Variants in ACVR1C observed in about 807,000 individuals in gnomAD.
ACVR1C encodes the protein activin A receptor type 1C.
In ACVR1C, 23 loss-of-function variants were observed where a neutral mutation model predicts 57.9. The observed-to-expected ratio is 0.40, with a 90% CI of 0.29 to 0.56. The LOEUF is 0.56. Ranked by LOEUF, ACVR1C falls within the 20% of genes least tolerant of loss-of-function variation. The pLI is 0.50. For missense variants in ACVR1C, 480 were observed against 607.9 expected (o/e 0.79, Z 2.21); for synonymous variants, 214 against 215.3 (o/e 0.99, Z 0.05).
At chr2:157,627,784 T>C (rs1682928753) in intron 1 of ACVR1C, among the ~76,000 whole-genome samples, 1 of 152,194 alleles carries the variant, frequency 6.6e-6, no homozygotes, top group Admixed American at 6.5e-5. Context: ...GTAATGAAAA[T>C]AGTTTTCGAG....
chr2:157,581,691 G>A (rs1046947696), intron 2 of ACVR1C, among the ~76,000 whole-genome samples: 2 of 152,194 alleles, frequency 1.3e-5, no homozygotes, highest in African/African-American at 4.8e-5. Context: ...AAGAGCCAGA[G>A]AGGCAAGGAT....
intron 1 of ACVR1C, among the ~76,000 whole-genome samples, chr2:157,589,797 G>T: frequency 6.6e-6 from 1 of 151,928 alleles, no homozygotes; most frequent in Non-Finnish European, 1.5e-5. Context: ...TAGGGCTACA[G>T]TAACCAAAAC....
At chr2:157,542,610 C>A in intron 6 of ACVR1C, 96 bp downstream of exon 6, 1 of 1,380,216 alleles carries the variant, frequency 7.2e-7, no homozygotes, top group South Asian at 1.5e-5. Context: ...CCAGTGGTTT[C>A]CTATTTGGAC....
chr2:157,536,833 C>CA lies in ACVR1C; in HGVS notation c.1356+1739dup, dbSNP rs548970294. The stretch of plus-strand genomic sequence containing the variant: ...AACAAGACAGAAACAAAATACTGGA[C>CA]AAAAAATGCATATATCAGGAATGTA... On this transcript the variant is annotated intron_variant, in intron 8 of 8. Transcript: ENST00000243349. Among the ~76,000 whole-genome samples the CA allele has an allele frequency of 1.6e-4, 25 of 152,054 alleles. No homozygotes were observed. In the East Asian group the frequency reaches 3.9e-3, roughly 23 times the overall value.
chr2:157,572,388 A>G (rs529385446), intron 2 of ACVR1C, among the ~76,000 whole-genome samples: 4 of 152,022 alleles, frequency 2.6e-5, no homozygotes, highest in East Asian at 3.9e-4. Flanking sequence ...TTAAAAAAAA[A>G]AAAAAGTCTA....
chr2:157,600,965 A>G (rs1682265675), intron 1 of ACVR1C, among the ~76,000 whole-genome samples: 1 of 152,206 alleles, frequency 6.6e-6, no homozygotes, highest in African/African-American at 2.4e-5. Flanking sequence ...TTTAAAATCC[A>G]TAATGCTTTT....
intron 2 of ACVR1C, among the ~76,000 whole-genome samples, chr2:157,578,173 G>A (rs546991827): frequency 7.2e-5 from 11 of 152,270 alleles, no homozygotes; most frequent in South Asian, 2.1e-4. Context: ...TCAAAGCATC[G>A]GGATTGCAGG....
intron 3 of ACVR1C, 35 bp from the exon 4 acceptor site, chr2:157,550,427 A>G (rs150543368): frequency 6.3e-7 from 1 of 1,576,982 alleles, no homozygotes; most frequent in Non-Finnish European, 8.7e-7. Flanking sequence ...ATAATTAAAC[A>G]CAAATGTCAG....
intron 3 of ACVR1C, 102 bp from the exon 4 acceptor site, chr2:157,550,494 C>T: frequency 9.5e-7 from 1 of 1,056,008 alleles, no homozygotes; most frequent in Non-Finnish European, 1.4e-6. Flanking sequence ...CATTTAAATG[C>T]TTTAATAATT....
At chr2:157,592,273 T>G (rs1306908667) in intron 1 of ACVR1C, among the ~76,000 whole-genome samples, 1 of 152,134 alleles carries the variant, frequency 6.6e-6, no homozygotes, top group East Asian at 1.9e-4. Flanking sequence ...TTTGAAGCAC[T>G]ACTGGCTCCT....
At chr2:157,588,240 C>A (rs906079419) in intron 1 of ACVR1C, among the ~76,000 whole-genome samples, 6 of 51,300 alleles carry the variant, frequency 1.2e-4, no homozygotes, top group Non-Finnish European at 2.4e-4. Flanking sequence ...ACTTACTACA[C>A]ACACACACAC....
In ACVR1C at chr2:157,549,829, C is replaced by CA. The variant is rs1173469291; in HGVS notation, c.775+332dup. ...TGAAACCCCGTCTCTACTAAAAATACAAAAAAAAAAAAAAAAAAAAAAAAT... is the reference window on the plus strand; with the variant it reads ...TGAAACCCCGTCTCTACTAAAAATACAAAAAAAAAAAAAAAAAAAAAAAAAT... On this transcript the variant is annotated intron_variant, in intron 4 of 8. Coordinates refer to ENST00000243349, the MANE Select transcript of ACVR1C (RefSeq NM_145259.3). Among the ~76,000 whole-genome samples the CA allele has an allele frequency of 0.034, 1,614 of 47,496 alleles. 18 individuals carry two copies. The highest frequency in any genetic ancestry group is 0.1 in the East Asian group (254 of 2,462). 31.2% of individuals were successfully genotyped at this position (47,496 alleles called of 152,430 possible).
At chr2:157,588,800 A>G (rs1030193046) in intron 1 of ACVR1C, among the ~76,000 whole-genome samples, 4 of 146,846 alleles carry the variant, frequency 2.7e-5, no homozygotes, top group African/African-American at 5.0e-5. Flanking sequence ...GTTGTATTCT[A>G]TGATATATAT....
At chr2:157,628,497 C>G (rs1682954542) in intron 1 of ACVR1C, 75 bp downstream of exon 1, 3 of 1,504,992 alleles carry the variant, frequency 2.0e-6, no homozygotes, top group East Asian at 2.4e-5. Context: ...CCCTGTCCCC[C>G]ACCCCCGTGC....
At chr2:157,567,973 C>T (rs1255362925) in intron 2 of ACVR1C, among the ~76,000 whole-genome samples, 7 of 127,206 alleles carry the variant, frequency 5.5e-5, no homozygotes, top group African/African-American at 1.4e-4. Context: ...AGAGAAAGGT[C>T]GGGTTACCCT....
chr2:157,604,070 AT>A (rs1165167749), intron 1 of ACVR1C, among the ~76,000 whole-genome samples: 2 of 152,070 alleles, frequency 1.3e-5, no homozygotes, highest in Non-Finnish European at 2.9e-5. Context: ...TGATTAACCA[AT>A]TTGAAACATA....
chr2:157,554,272 G>GAAAGAAAGAAAGAGAAAGAAAGAAAGA (rs1491411690), intron 3 of ACVR1C, among the ~76,000 whole-genome samples: 1 of 47,586 alleles, frequency 2.1e-5, no homozygotes, highest in African/African-American at 1.1e-4. Context: ...AGAAAGAAAG[G>GAAAGAAAGAAAGAGAAAGAAAGAAAGA]AAGGAAGGAA....
At chr2:157,544,035 C>CTT (rs1217763945) in intron 5 of ACVR1C, among the ~76,000 whole-genome samples, 87 of 124,364 alleles carry the variant, frequency 7.0e-4, no homozygotes, top group Non-Finnish European at 9.7e-4. Context: ...TGTTTCTTTA[C>CTT]TTTTTTTTTT....
At chr2:157,556,641 A>G (rs1329027672) in intron 2 of ACVR1C, among the ~76,000 whole-genome samples, 3 of 142,396 alleles carry the variant, frequency 2.1e-5, no homozygotes, top group Non-Finnish European at 3.1e-5. Flanking sequence ...TTTTCCCTCC[A>G]TTATTCAGCA....
Sources: allele counts gnomAD v4.1 joint callset (sites outside exome capture counted in the v4.1 genomes callset), GRCh38; gene constraint gnomAD v4.1.1; transcripts MANE v1.5; gene names NCBI Gene and HGNC (gene_info 2026-07-23, HGNC 2026-07-21).